ADARB2: variants seen among roughly 807,000 people sequenced by gnomAD.
ADARB2 encodes the protein adenosine deaminase RNA specific B2 (inactive), also known as inactive double-stranded RNA-specific editase B2.
In ADARB2, 25 loss-of-function variants were observed where a neutral mutation model predicts 62.2. The observed-to-expected ratio is 0.40, with a 90% CI of 0.29 to 0.56. The LOEUF (loss-of-function observed/expected upper bound fraction) is 0.56. Among genes scored for constraint, ADARB2 ranks in the 20% least tolerant of loss-of-function variants. The pLI, the probability that ADARB2 is intolerant of heterozygous loss-of-function variation, is 0.43. For missense variants in ADARB2, 1,071 were observed against 1,077.4 expected (o/e 0.99, Z 0.08); for synonymous variants, 572 against 500.8 (o/e 1.14, Z -1.90).
chr10:1,524,059 AAGAT>A (rs34113585), intron 1 of ADARB2, among the ~76,000 whole-genome samples: 13,487 of 134,778 alleles, frequency 0.1, 671 homozygotes, highest in Middle Eastern at 0.14. Context: ...TGGGGATATG[AAGAT>A]AGATAGATAG....
intron 1 of ADARB2, among the ~76,000 whole-genome samples, chr10:1,569,486 C>T (rs1832907618): frequency 6.6e-6 from 1 of 152,174 alleles, no homozygotes. Flanking sequence ...GCTGGTTTAC[C>T]CAACACCTAA....
chr10:1,733,115 G>A (rs894899524), intron 1 of ADARB2, among the ~76,000 whole-genome samples: 3 of 152,164 alleles, frequency 2.0e-5, no homozygotes, highest in African/African-American at 7.2e-5. Flanking sequence ...AACCCGACCG[G>A]CCCCGGATGA....
chr10:1,245,744 A>T (rs1830980520), intron 4 of ADARB2, among the ~76,000 whole-genome samples: 1 of 152,206 alleles, frequency 6.6e-6, no homozygotes, highest in African/African-American at 2.4e-5. Context: ...TCACTGATGG[A>T]CATTTTGGTT....
rs184837669 is a variant in ADARB2 at position 1,185,025 on chromosome 10, C to T, written c.1879G>A (p.Glu627Lys). ...RPLLSGVSDA[E>K]ARQPGKSPPF... The stretch of plus-strand genomic sequence containing the variant: ...GGCGACTTCCCCGGCTGGCGCGCCT[C>T]GGCGTCACTCACGCCTGTCGGGGAG... The change falls in exon 9 of 10, where the codon GAG becomes AAG. Residue 627 changes from glutamate (E) to lysine (K), a missense_variant. Physicochemically the swap from Glu to Lys is moderately conservative, Grantham distance 56. Transcript: ENST00000381312. 1.1e-5 allele frequency: 17 copies of T among 1,612,546 alleles called. No homozygotes were observed. Among genetic ancestry groups the T allele is most frequent in the Middle Eastern group, 3.5e-4 (2 of 5,726 alleles).
chr10:1,669,840 A>G (rs1834360946), intron 1 of ADARB2, among the ~76,000 whole-genome samples: 1 of 152,114 alleles, frequency 6.6e-6, no homozygotes, highest in Admixed American at 6.5e-5. Context: ...ACACACAAAC[A>G]GACACACTCA....
At chr10:1,659,738 C>T (rs539379597) in intron 1 of ADARB2, among the ~76,000 whole-genome samples, 7 of 152,314 alleles carry the variant, frequency 4.6e-5, no homozygotes, top group Non-Finnish European at 7.3e-5. Context: ...AGTTCCTCCG[C>T]CTGCCTTCCC....
intron 8 of ADARB2, among the ~76,000 whole-genome samples, chr10:1,193,609 G>A (rs10903403): frequency 0.77 from 117,775 of 152,152 alleles, 45,901 homozygotes; most frequent in East Asian, 1. Context: ...CTTAAGCCCA[G>A]ATAACACATG....
At chr10:1,571,285 CTT>C (rs768695693) in intron 1 of ADARB2, among the ~76,000 whole-genome samples, 25 of 139,518 alleles carry the variant, frequency 1.8e-4, no homozygotes, top group African/African-American at 4.7e-4. Context: ...TCTATTTTTA[CTT>C]TTTTTTTTTT....
At chr10:1,474,325 G>C (rs1831370021) in intron 1 of ADARB2, among the ~76,000 whole-genome samples, 1 of 152,162 alleles carries the variant, frequency 6.6e-6, no homozygotes, top group Non-Finnish European at 1.5e-5. Flanking sequence ...AGGGTGAGAG[G>C]ACACCAGCTG....
chr10:1,353,133 C>T (rs895204228), intron 3 of ADARB2, among the ~76,000 whole-genome samples: 25 of 152,300 alleles, frequency 1.6e-4, no homozygotes, highest in African/African-American at 4.8e-4. Flanking sequence ...ACATCAAGCA[C>T]GGGGATTGGC....
chr10:1,671,478 G>A (rs1409245870), intron 1 of ADARB2, among the ~76,000 whole-genome samples: 1 of 152,202 alleles, frequency 6.6e-6, no homozygotes, highest in African/African-American at 2.4e-5. Context: ...CGTCACACCT[G>A]CTTTGCTGCT....
chr10:1,407,873 C>G (rs1361396721), intron 1 of ADARB2, among the ~76,000 whole-genome samples: 2 of 152,202 alleles, frequency 1.3e-5, no homozygotes, highest in East Asian at 1.9e-4. Context: ...CAGACAGACC[C>G]AAAGCCTCCC....
intron 1 of ADARB2, among the ~76,000 whole-genome samples, chr10:1,622,769 G>T (rs1346901003): frequency 1.3e-5 from 2 of 152,184 alleles, no homozygotes; most frequent in Non-Finnish European, 2.9e-5. Flanking sequence ...TTGTTTGTTT[G>T]TTTCTTAAAT....
chr10:1,475,315 G>A (rs1428747415), intron 1 of ADARB2, among the ~76,000 whole-genome samples: 2 of 152,190 alleles, frequency 1.3e-5, no homozygotes, highest in African/African-American at 2.4e-5. Flanking sequence ...GTGTATCTGC[G>A]CACCTTTTCC....
intron 1 of ADARB2, among the ~76,000 whole-genome samples, chr10:1,665,280 T>C (rs549754421): frequency 4.9e-4 from 75 of 152,356 alleles, no homozygotes; most frequent in African/African-American, 1.7e-3. Context: ...ATATAAAAGC[T>C]TCACCGCCGT....
Position 1,704,903 on chromosome 10 carries a change from G to A in ADARB2, c.100+32148C>T, listed in dbSNP as rs544417562. On this transcript the variant is annotated intron_variant, in intron 1 of 9. Transcript: ENST00000381312. The surrounding 1 kb of genome is among the most constrained non-coding windows in gnomAD (Gnocchi z 5.6). Reference sequence around the variant, plus strand: ...GCAGTTTATCATTTGAGCAGGAAAAGGGTGCAGGGGAGACCATGAGGGCGT... The same window carrying A: ...GCAGTTTATCATTTGAGCAGGAAAAAGGTGCAGGGGAGACCATGAGGGCGT... 2.0e-5 allele frequency among the ~76,000 whole-genome samples: 3 copies of A among 152,066 alleles called. No individual in the cohort carries two copies. The highest frequency in any genetic ancestry group is 7.2e-5 in the African/African-American group (3 of 41,406).
intron 1 of ADARB2, among the ~76,000 whole-genome samples, chr10:1,401,744 C>CTTT (rs1832665446): frequency 6.6e-6 from 1 of 152,142 alleles, no homozygotes; most frequent in Non-Finnish European, 1.5e-5. Context: ...GAGCCTCACG[C>CTTT]TCTCTAGAGG....
chr10:1,216,888 C>T, intron 7 of ADARB2, 63 bp downstream of exon 7: 1 of 1,570,506 alleles, frequency 6.4e-7, no homozygotes. Context: ...TGCAGGGAGC[C>T]TGGGGCTTGG....
At chr10:1,205,870 G>C (rs12774782) in intron 7 of ADARB2, among the ~76,000 whole-genome samples, 1 of 152,078 alleles carries the variant, frequency 6.6e-6, no homozygotes, top group Non-Finnish European at 1.5e-5. Flanking sequence ...GGGGCAGCCC[G>C]CTGCGGCCAG....
Sources: allele counts gnomAD v4.1 joint callset (sites outside exome capture counted in the v4.1 genomes callset), GRCh38; gene constraint gnomAD v4.1.1; non-coding constraint Gnocchi (gnomAD v3.1); transcripts MANE v1.5; gene names NCBI Gene and HGNC (gene_info 2026-07-23, HGNC 2026-07-21).